Variants in CFAP74 observed in about 807,000 individuals in gnomAD.
CFAP74 encodes the protein cilia- and flagella-associated protein 74.
Under a neutral mutation model 188.9 loss-of-function variants are expected in CFAP74, and 124 were observed. The ratio of observed to expected loss-of-function variants is 0.66; its 90% CI spans 0.57 to 0.76. CFAP74 has a LOEUF of 0.76. Among genes scored for constraint, CFAP74 ranks in the 30% least tolerant of loss-of-function variants. CFAP74 has a pLI of 0.00. For missense variants in CFAP74, 2,198 were observed against 2,165.2 expected (o/e 1.02, Z -0.30); for synonymous variants, 956 against 916.7 (o/e 1.04, Z -0.77).
At chr1:1,929,075 C>CGGG (rs1652150172) in intron 26 of CFAP74, among the ~76,000 whole-genome samples, 193 bp from the exon 27 acceptor site, 1 of 151,926 alleles carries the variant, frequency 6.6e-6, no homozygotes, top group Non-Finnish European at 1.5e-5. Flanking sequence ...GGGCTGCAGG[C>CGGG]GGGAGCACCA....
Position 1,988,506 on chromosome 1 carries a change from G to A in CFAP74, c.296+6C>T. On this transcript the variant is annotated splice_donor_region_variant and intron_variant, in intron 4 of 38. Transcript: ENST00000682832. ...TGCAGGTGCAGCGGCCTCAGCCCCA[G>A]CTCACCTCATCTTCTCAGTGAAAAG... The A allele has an allele frequency of 6.2e-7, 1 of 1,610,512 alleles. No homozygotes were observed.
chr1:1,991,240 C>A (rs1279321585), intron 1 of CFAP74, among the ~76,000 whole-genome samples: 1 of 152,154 alleles, frequency 6.6e-6, no homozygotes, highest in Admixed American at 6.5e-5. Context: ...CTTTGGGAGG[C>A]CGAGGCAGGT....
intron 25 of CFAP74, among the ~76,000 whole-genome samples, chr1:1,931,494 T>C (rs1488479635): frequency 6.9e-6 from 1 of 145,958 alleles, no homozygotes; most frequent in African/African-American, 2.6e-5. Flanking sequence ...CCCAACACTT[T>C]AGGAGTCCGA....
At chr1:1,939,469 G>T (rs1653205638) in intron 24 of CFAP74, 125 bp downstream of exon 24, 1 of 940,046 alleles carries the variant, frequency 1.1e-6, no homozygotes, top group Non-Finnish European at 1.6e-6. Context: ...GAGGGGTGCA[G>T]CTGAGAGGCG....
chr1:1,967,367 G>A (rs1481087211), intron 11 of CFAP74, among the ~76,000 whole-genome samples: 1 of 149,202 alleles, frequency 6.7e-6, no homozygotes, highest in Admixed American at 6.8e-5. Flanking sequence ...CGGGGCCAGC[G>A]CATTGCTGTT....
intron 25 of CFAP74, among the ~76,000 whole-genome samples, chr1:1,934,734 C>CGTGGGTGTTAGGTTGTAGGTACACAG (rs1557997139): frequency 2.3e-4 from 22 of 94,032 alleles, no homozygotes; most frequent in African/African-American, 3.8e-4. Flanking sequence ...TAGGTACACA[C>CGTGGGTGTTAGGTTGTAGGTACACAG]GTGTGTACGT....
rs1655347670 is a variant in CFAP74, at chr1:1,964,799, C to A, written c.1575+89G>T. 3 of 1,455,824 alleles carry A rather than the reference C, an allele frequency of 2.1e-6. No homozygotes were observed. In the East Asian group the frequency reaches 6.9e-5, roughly 34 times the overall value. The allele number at this position is 1,455,824 out of a possible 1,614,324, so 90.2% of individuals were successfully genotyped here. A position where few individuals can be genotyped will look rare whatever the true frequency, so the allele number is the denominator to read the frequency against. On this transcript the variant is annotated intron_variant, in intron 13 of 38. Coordinates refer to ENST00000682832, the MANE Select transcript of CFAP74 (RefSeq NM_001304360.2). ...AGTGAGACTCCATCTCAAAAAAAAG[C>A]AAAAGGTGTCAGGGGTTGGGCTGCG...
rs1394913457 is a variant in CFAP74 at position 2,000,001 on chromosome 1, T to TA, written c.-20+3699dup. Among the ~76,000 whole-genome samples, 59 of 151,680 alleles carry TA rather than the reference T, an allele frequency of 3.9e-4. 1 individual carries two copies. The highest frequency in any genetic ancestry group is 1.4e-3 in the African/African-American group (58 of 41,254). ...TAACACGGTGAAACCCCGTCTCTAC[T>TA]AAAAATACAAAAAATTAGCCAGGTG... On this transcript the variant is annotated intron_variant, in intron 1 of 38. Transcript: ENST00000682832.
Position 1,935,073 on chromosome 1 carries a change from G to A in CFAP74, c.3011+3782C>T, listed in dbSNP as rs561794729. 2.3e-4 allele frequency among the ~76,000 whole-genome samples: 20 copies of A among 87,790 alleles called. 1 individual carries two copies. The highest frequency in any genetic ancestry group is 7.5e-4 in the African/African-American group (18 of 24,014). The allele number at this position is 87,790 out of a possible 152,430, so 57.6% of individuals were successfully genotyped here. A position where few individuals can be genotyped will look rare whatever the true frequency, so the allele number is the denominator to read the frequency against. On this transcript the variant is annotated intron_variant, in intron 25 of 38. Coordinates refer to ENST00000682832, the MANE Select transcript of CFAP74 (RefSeq NM_001304360.2). ...AGGCTGTGGGTACACACGTGTGTAC[G>A]TGGGTGTTAGGTTGTGGGTACACAG...
At chr1:1,995,265 G>A (rs1427150207) in intron 1 of CFAP74, among the ~76,000 whole-genome samples, 2 of 152,160 alleles carry the variant, frequency 1.3e-5, no homozygotes, top group Admixed American at 1.3e-4. Context: ...TTGGGAAGCC[G>A]AGGTGGGCGG....
chr1:1,927,054 T>C (rs1216419307), intron 28 of CFAP74, 26 bp from the exon 29 acceptor site: 10 of 1,549,636 alleles, frequency 6.5e-6, no homozygotes, highest in Non-Finnish European at 8.7e-6. Context: ...AGGCTTGCGC[T>C]CCCGCCTTGC....
chr1:1,979,972 G>A (rs569289748), intron 6 of CFAP74, among the ~76,000 whole-genome samples: 6 of 151,438 alleles, frequency 4.0e-5, no homozygotes, highest in East Asian at 3.9e-4. Context: ...TCCCACCACC[G>A]AAGCAGCCTC....
rs1246961500 is a variant in CFAP74, at chr1:2,003,768, G to A, written c.-87C>T. The A allele has an allele frequency of 6.6e-6, 1 of 152,568 alleles. No individual in the cohort carries two copies. Among genetic ancestry groups the A allele is most frequent in the Non-Finnish European group, 1.5e-5 (1 of 68,322 alleles). The allele number at this position is 152,568 out of a possible 1,614,324, so 9.5% of individuals were successfully genotyped here. A position where few individuals can be genotyped will look rare whatever the true frequency, so the allele number is the denominator to read the frequency against. The stretch of plus-strand genomic sequence containing the variant: ...CAGACACCCCGGGCTGCTCAGGCAG[G>A]CGGCGGTCCTTGGCGATTGCCCTCC... On this transcript the variant is annotated 5_prime_UTR_variant, in exon 1 of 39. Coordinates refer to ENST00000682832, the MANE Select transcript of CFAP74 (RefSeq NM_001304360.2).
intron 28 of CFAP74, 163 bp from the exon 29 acceptor site, chr1:1,927,191 C>T: frequency 4.0e-6 from 3 of 754,094 alleles, no homozygotes; most frequent in Non-Finnish European, 6.3e-6. Flanking sequence ...TTCTCTGGCT[C>T]CTGTGGGGGT....
At chr1:1,994,928 G>C (rs1241751022) in intron 1 of CFAP74, among the ~76,000 whole-genome samples, 6 of 152,158 alleles carry the variant, frequency 3.9e-5, no homozygotes, top group Non-Finnish European at 8.8e-5. Flanking sequence ...GAGGGATGAG[G>C]GTAGCTGTCC....
At chr1:1,989,572 C>T (rs1285736354) in intron 2 of CFAP74, among the ~76,000 whole-genome samples, 2 of 152,190 alleles carry the variant, frequency 1.3e-5, no homozygotes, top group Admixed American at 1.3e-4. Flanking sequence ...GGGATCCTCC[C>T]ACCTCAGCCT....
At chr1:1,957,573 G>A (rs1012445341) in intron 16 of CFAP74, among the ~76,000 whole-genome samples, 1 of 152,218 alleles carries the variant, frequency 6.6e-6, no homozygotes, top group African/African-American at 2.4e-5. Context: ...GAGGGTCTCG[G>A]TGCTCCTGTC....
intron 14 of CFAP74, among the ~76,000 whole-genome samples, chr1:1,963,396 A>G (rs528826637): frequency 1.5e-5 from 2 of 134,312 alleles, no homozygotes; most frequent in Admixed American, 8.4e-5. Flanking sequence ...GGTTGCAGTG[A>G]GCTGAGACCG....
rs1368340720 is a variant in CFAP74, at chr1:1,926,755, G to C, written c.3669C>G (p.His1223Gln). 6.5e-7 allele frequency: 1 copy of C among 1,550,040 alleles called. No homozygotes were observed. The highest frequency in any genetic ancestry group is 1.2e-5 in the South Asian group (1 of 84,058). The change falls in exon 30 of 39, where the codon CAC becomes CAG. Residue 1223 changes from histidine to glutamine, a missense_variant. Physicochemically the swap from His to Gln is conservative, Grantham distance 24. Transcript: ENST00000682832. ...KGSEPLSFSP[H>Q]NTLYLELWCP... Reference sequence around the variant, plus strand: ...ACCACAGCTCCAGGTACAGGGTGTTGTGGGGGCTGGGATAGGAAGGGCATG... The same window carrying C: ...ACCACAGCTCCAGGTACAGGGTGTTCTGGGGGCTGGGATAGGAAGGGCATG...
Sources: allele counts gnomAD v4.1 joint callset (sites outside exome capture counted in the v4.1 genomes callset), GRCh38; gene constraint gnomAD v4.1.1; transcripts MANE v1.5; gene names NCBI Gene and HGNC (gene_info 2026-07-23, HGNC 2026-07-21).